Variants in STXBP5L observed in about 807,000 individuals in gnomAD.
STXBP5L encodes syntaxin-binding protein 5-like.
Under a neutral mutation model 144.5 loss-of-function variants are expected in STXBP5L, and 65 were observed. That is an observed-to-expected ratio of 0.45 (90% confidence interval 0.37 to 0.55). The LOEUF (loss-of-function observed/expected upper bound fraction) is 0.55. Among genes scored for constraint, STXBP5L ranks in the 20% least tolerant of loss-of-function variants. STXBP5L has a pLI of 0.00. For missense variants in STXBP5L, 1,298 were observed against 1,405.5 expected (o/e 0.92, Z 1.22); for synonymous variants, 505 against 469.6 (o/e 1.08, Z -0.97).
chr3:121,197,750 G>A (rs2108199558), intron 9 of STXBP5L, among the ~76,000 whole-genome samples: 1 of 152,072 alleles, frequency 6.6e-6, no homozygotes, highest in Non-Finnish European at 1.5e-5. Context: ...TGAGAGTTTG[G>A]TTTTCTGTTC....
At chr3:121,098,764 G>A (rs1421251053) in intron 5 of STXBP5L, among the ~76,000 whole-genome samples, 4 of 152,164 alleles carry the variant, frequency 2.6e-5, no homozygotes, top group Non-Finnish European at 4.4e-5. Context: ...AGGTTCAAAA[G>A]ACCACTCTGG....
chr3:121,304,758 T>A (rs1007271831), intron 19 of STXBP5L, among the ~76,000 whole-genome samples: 7 of 152,094 alleles, frequency 4.6e-5, no homozygotes, highest in Non-Finnish European at 8.8e-5. Context: ...TGTTAGATTT[T>A]TTTTTAAATC....
intron 19 of STXBP5L, among the ~76,000 whole-genome samples, chr3:121,311,113 A>G (rs1295427814): frequency 1.3e-5 from 2 of 152,218 alleles, no homozygotes; most frequent in East Asian, 3.8e-4. Flanking sequence ...TTAGCCAATA[A>G]GCATGTGAAA....
At chr3:121,280,046 T>A in intron 19 of STXBP5L, 90 bp downstream of exon 19, 2 of 1,399,724 alleles carry the variant, frequency 1.4e-6, no homozygotes, top group Non-Finnish European at 9.7e-7. Context: ...CTGATACTAT[T>A]CAAATGCATG....
chr3:120,918,403 A>C (rs1218823343), intron 2 of STXBP5L, among the ~76,000 whole-genome samples: 2 of 152,152 alleles, frequency 1.3e-5, no homozygotes, highest in African/African-American at 4.8e-5. Flanking sequence ...ATTTTATGGA[A>C]AACTTTAAAC....
chr3:121,184,563 T>C (rs2047292664), intron 9 of STXBP5L, among the ~76,000 whole-genome samples: 1 of 151,850 alleles, frequency 6.6e-6, no homozygotes, highest in East Asian at 1.9e-4. Flanking sequence ...TACGGGACTG[T>C]GTGAAAAGAC....
At chr3:120,970,071 C>G (rs1449770908) in intron 3 of STXBP5L, among the ~76,000 whole-genome samples, 1 of 151,972 alleles carries the variant, frequency 6.6e-6, no homozygotes, top group Non-Finnish European at 1.5e-5. Flanking sequence ...AAACCAAACC[C>G]TACCCTTTAA....
chr3:120,981,916 C>G (rs1447200183), intron 3 of STXBP5L, among the ~76,000 whole-genome samples: 1 of 152,264 alleles, frequency 6.6e-6, no homozygotes, highest in Non-Finnish European at 1.5e-5. Flanking sequence ...TAGGTGCTTT[C>G]AGGTATCAAG....
chr3:121,251,928 A>C (rs896474931), intron 15 of STXBP5L, among the ~76,000 whole-genome samples: 6 of 152,212 alleles, frequency 3.9e-5, no homozygotes, highest in African/African-American at 1.4e-4. Context: ...CAACTGCCTA[A>C]AGAGAAACTC....
chr3:121,415,854 C>A lies in STXBP5L; in HGVS notation c.3115-3C>A. ...AATGCTTTTTTCTGTGAATTTGATG[C>A]AGGACATGCTAGGAGATTTGTTTAC... On this transcript the variant is annotated splice_region_variant and splice_polypyrimidine_tract_variant and intron_variant, in intron 24 of 26. Transcript: ENST00000471454. The A allele has an allele frequency of 6.3e-7, 1 of 1,580,820 alleles. No individual in the cohort carries two copies. Among genetic ancestry groups the A allele is most frequent in the Non-Finnish European group, 8.6e-7 (1 of 1,162,190 alleles).
At chr3:121,204,401 C>A (rs1708803881) in intron 9 of STXBP5L, among the ~76,000 whole-genome samples, 1 of 151,992 alleles carries the variant, frequency 6.6e-6, no homozygotes, top group Non-Finnish European at 1.5e-5. Flanking sequence ...TTATTTTTTT[C>A]TTCTTTAGTC....
rs568904179 is a variant in STXBP5L at position 121,152,372 on chromosome 3, A to G, written c.670-105A>G. On this transcript the variant is annotated intron_variant, in intron 7 of 26. Coordinates refer to ENST00000471454, the MANE Select transcript of STXBP5L (RefSeq NM_001308330.2). ...GTTCTAGAAAAATTTATTCTAAATA[A>G]GGATGTTATGTGGTATGATTTTACT... The G allele has an allele frequency of 1.9e-5, 15 of 803,116 alleles. No individual in the cohort carries two copies. In the African/African-American group the frequency reaches 2.7e-4, roughly 15 times the overall value. The allele number at this position is 803,116 out of a possible 1,614,324, so 49.7% of individuals were successfully genotyped here.
At chr3:121,036,922 A>G (rs983659116) in intron 3 of STXBP5L, among the ~76,000 whole-genome samples, 5 of 151,710 alleles carry the variant, frequency 3.3e-5, no homozygotes, top group Admixed American at 1.3e-4. Context: ...TCTTTAAAAA[A>G]TTTTAAAAAT....
intron 19 of STXBP5L, among the ~76,000 whole-genome samples, chr3:121,300,519 G>A (rs951193856): frequency 6.6e-6 from 1 of 152,026 alleles, no homozygotes; most frequent in Admixed American, 6.6e-5. Flanking sequence ...GAATTATACT[G>A]TTGTTTTTTT....
intron 19 of STXBP5L, chr3:121,282,180 G>T: frequency 1.7e-6 from 2 of 1,188,784 alleles, no homozygotes; most frequent in Non-Finnish European, 2.5e-6. Context: ...CTAGATTCTG[G>T]TATGATATCA....
At chr3:121,081,626 C>T (rs956470806) in intron 5 of STXBP5L, among the ~76,000 whole-genome samples, 1 of 152,050 alleles carries the variant, frequency 6.6e-6, no homozygotes, top group Admixed American at 6.6e-5. Flanking sequence ...ACTTTTTTTA[C>T]TTATTTAATT....
rs578170145 is a variant in STXBP5L, at chr3:121,008,603, T to C, written c.288-33097T>C. The stretch of plus-strand genomic sequence containing the variant: ...TTGAATAATAACACACTTAAAACTA[T>C]ATAGTATCATGTTTAAGCTGGTTCC... On this transcript the variant is annotated intron_variant, in intron 3 of 26. Transcript: ENST00000471454. Among the ~76,000 whole-genome samples, 4 of 152,136 alleles carry C rather than the reference T, an allele frequency of 2.6e-5. No individual in the cohort carries two copies. The East Asian group carries it at 5.8e-4, about 22-fold the overall frequency.
At chr3:121,050,351 A>C (rs575460629) in intron 5 of STXBP5L, among the ~76,000 whole-genome samples, 1 of 152,166 alleles carries the variant, frequency 6.6e-6, no homozygotes, top group African/African-American at 2.4e-5. Context: ...AAAATAAGTA[A>C]TGTAGCAGAA....
At chr3:121,089,958 T>C (rs1318190856) in intron 5 of STXBP5L, among the ~76,000 whole-genome samples, 1 of 152,124 alleles carries the variant, frequency 6.6e-6, no homozygotes, top group South Asian at 2.1e-4. Context: ...TTATACTTTA[T>C]ATTTTTATTT....
Sources: gnomAD v4.1 joint callset for allele counts (sites outside exome capture counted in the v4.1 genomes callset) on GRCh38, gnomAD v4.1.1 for gene constraint, MANE v1.5 for transcripts, NCBI Gene and HGNC (gene_info 2026-07-23, HGNC 2026-07-21) for gene names.